DPP10: variants seen among roughly 807,000 people sequenced by gnomAD.
The protein encoded by DPP10 is inactive dipeptidyl peptidase 10.
In DPP10, 33 loss-of-function variants were observed where a neutral mutation model predicts 120.9. The observed-to-expected ratio is 0.27, with a 90% confidence interval of 0.21 to 0.37. DPP10 has a LOEUF of 0.37. Ranked by LOEUF, DPP10 falls within the 10% of genes least tolerant of loss-of-function variation. DPP10 has a pLI of 1.00. For synonymous variants in DPP10, 337 were observed against 326.1 expected (o/e 1.03, Z -0.36); for missense variants, 816 against 942.8 (o/e 0.87, Z 1.76).
chr2:114,985,881 TA>T (rs1033241423), intron 1 of DPP10, among the ~76,000 whole-genome samples: 11 of 152,358 alleles, frequency 7.2e-5, no homozygotes, highest in Non-Finnish European at 1.2e-4. Context: ...TTAATCATTA[TA>T]CGAGCATAAT....
In DPP10 at chr2:115,147,179, G is replaced by C. The variant is rs1304459597; in HGVS notation, c.61-162060G>C. 2.3e-4 allele frequency among the ~76,000 whole-genome samples: 35 copies of C among 151,036 alleles called. No individual in the cohort carries two copies. In the Admixed American group the frequency reaches 2.3e-3, roughly 10 times the overall value. On this transcript the variant is annotated intron_variant, in intron 1 of 25. Transcript: ENST00000410059. ...TACTATATATATGCATATATAGTGT[G>C]TGTATATATATAGTATTGTATATAT...
intron 1 of DPP10, among the ~76,000 whole-genome samples, chr2:114,811,036 A>G (rs1039488559): frequency 6.6e-6 from 1 of 152,116 alleles, no homozygotes; most frequent in East Asian, 1.9e-4. Context: ...CTTTAGATGC[A>G]TTTTTTCCCA....
At position 114,506,967 on chromosome 2, in the gene DPP10, A is replaced by G. The variant is rs545779083; in HGVS notation, c.60+64129A>G. Among the ~76,000 whole-genome samples the G allele has an allele frequency of 3.3e-5, 5 of 152,204 alleles. No individual in the cohort carries two copies. The South Asian group carries it at 1.0e-3, about 32-fold the overall frequency. ...CAAAGTAGCCCTCAGCTTAGCTGAGAGTTGACTAGCATCCTGCAATGGTTT... is the reference window on the plus strand; with the variant it reads ...CAAAGTAGCCCTCAGCTTAGCTGAGGGTTGACTAGCATCCTGCAATGGTTT... On this transcript the variant is annotated intron_variant, in intron 1 of 25. Coordinates refer to ENST00000410059, the MANE Select transcript of DPP10 (RefSeq NM_020868.6).
intron 1 of DPP10, among the ~76,000 whole-genome samples, chr2:114,673,090 A>C (rs576375305): frequency 6.6e-6 from 1 of 152,284 alleles, no homozygotes; most frequent in Non-Finnish European, 1.5e-5. Flanking sequence ...AAGGGTAAGA[A>C]GATAGATGTT....
At position 115,080,847 on chromosome 2, in the gene DPP10, T is replaced by G. The variant is rs1708214916; in HGVS notation, c.61-228392T>G. ...GTCACAAAGACCCCTCTCAACATTGTTGCTCTGAAAAAGTCCGTTTTTATC... is the reference window on the plus strand; with the variant it reads ...GTCACAAAGACCCCTCTCAACATTGGTGCTCTGAAAAAGTCCGTTTTTATC... On this transcript the variant is annotated intron_variant, in intron 1 of 25. Transcript: ENST00000410059. Among the ~76,000 whole-genome samples the G allele has an allele frequency of 3.3e-5, 5 of 152,336 alleles. No homozygotes were observed. In the South Asian group the frequency reaches 8.3e-4, roughly 25 times the overall value.
chr2:115,166,567 T>G lies in DPP10; in HGVS notation c.61-142672T>G, dbSNP rs1228791904. Among the ~76,000 whole-genome samples the G allele has an allele frequency of 2.0e-5, 3 of 147,082 alleles. No individual in the cohort carries two copies. The East Asian group carries it at 5.8e-4, about 29-fold the overall frequency. On this transcript the variant is annotated intron_variant, in intron 1 of 25. Transcript: ENST00000410059. ...TAATATAAATATATATTATATAAAT[T>G]TATAATATAAATATTATATATAAGG...
chr2:115,589,793 AAT>A (rs1027640327), intron 5 of DPP10, among the ~76,000 whole-genome samples: 1 of 152,232 alleles, frequency 6.6e-6, no homozygotes, highest in African/African-American at 2.4e-5. Context: ...AAGTATAAGT[AAT>A]ATCCTAAGAC....
intron 1 of DPP10, among the ~76,000 whole-genome samples, chr2:114,954,123 C>T (rs1300703092): frequency 7.1e-6 from 1 of 141,598 alleles, no homozygotes; most frequent in Non-Finnish European, 1.5e-5. Context: ...CTCTGTAGCC[C>T]AGGCTGGAGG....
At chr2:115,680,191 A>T (rs1217585746) in intron 5 of DPP10, among the ~76,000 whole-genome samples, 1 of 152,004 alleles carries the variant, frequency 6.6e-6, no homozygotes, top group Non-Finnish European at 1.5e-5. Flanking sequence ...CTAAGTAAAA[A>T]GTTTTAAAAC....
chr2:115,417,616 G>T (rs1184495447), intron 3 of DPP10, among the ~76,000 whole-genome samples: 2 of 152,086 alleles, frequency 1.3e-5, no homozygotes, highest in Non-Finnish European at 2.9e-5. Flanking sequence ...AAAAAAAGAG[G>T]CAAAAGGAGA....
intron 3 of DPP10, among the ~76,000 whole-genome samples, chr2:115,439,296 T>C (rs111864234): frequency 6.6e-6 from 1 of 151,526 alleles, no homozygotes; most frequent in Admixed American, 6.6e-5. Context: ...TGTGGAATAG[T>C]GGCTAAGATG....
chr2:115,468,255 C>T (rs747874016), intron 3 of DPP10: 2 of 508,350 alleles, frequency 3.9e-6, no homozygotes, highest in Non-Finnish European at 7.8e-6. Context: ...GTCATTGTTG[C>T]CATTGAAAAC....
intron 1 of DPP10, among the ~76,000 whole-genome samples, chr2:114,829,687 T>C (rs181530776): frequency 3.6e-4 from 55 of 152,190 alleles, no homozygotes; most frequent in African/African-American, 1.2e-3. Context: ...GGACGTTTTT[T>C]TTTAAGAGAA....
intron 1 of DPP10, among the ~76,000 whole-genome samples, chr2:115,216,574 A>G (rs2056834074): frequency 6.6e-6 from 1 of 152,150 alleles, no homozygotes; most frequent in South Asian, 2.1e-4. Flanking sequence ...ACCTGAGGCC[A>G]GGAGTTCGAG....
chr2:114,796,279 A>G (rs1489847284), intron 1 of DPP10, among the ~76,000 whole-genome samples: 1 of 152,168 alleles, frequency 6.6e-6, no homozygotes, highest in African/African-American at 2.4e-5. Context: ...AAAGAGTTGA[A>G]TTTCTTGGTA....
At chr2:114,816,066 C>A (rs1327355306) in intron 1 of DPP10, among the ~76,000 whole-genome samples, 1 of 152,110 alleles carries the variant, frequency 6.6e-6, no homozygotes, top group African/African-American at 2.4e-5. Flanking sequence ...GTCTTCACTC[C>A]CCGTGTAGAA....
intron 1 of DPP10, among the ~76,000 whole-genome samples, chr2:115,198,231 T>C (rs952553375): frequency 2.0e-5 from 3 of 152,150 alleles, no homozygotes. Flanking sequence ...CTCCAGTGAT[T>C]CCCCAGCTCG....
chr2:115,027,420 C>T (rs1331804991), intron 1 of DPP10, among the ~76,000 whole-genome samples: 2 of 151,992 alleles, frequency 1.3e-5, no homozygotes, highest in South Asian at 4.1e-4. Flanking sequence ...CATTTATTGA[C>T]TTGCATATAT....
intron 1 of DPP10, among the ~76,000 whole-genome samples, chr2:114,685,690 TC>T (rs1170535592): frequency 1.3e-5 from 2 of 152,084 alleles, no homozygotes; most frequent in Non-Finnish European, 2.9e-5. Context: ...TGGAAGTCTT[TC>T]CTGATTTGTT....
Sources: allele counts gnomAD v4.1 joint callset (sites outside exome capture counted in the v4.1 genomes callset), GRCh38; gene constraint gnomAD v4.1.1; transcripts MANE v1.5; gene names NCBI Gene and HGNC (gene_info 2026-07-23, HGNC 2026-07-21).